The following PLD5 variants were observed in gnomAD, a reference collection of about 807,000 sequenced individuals.
PLD5 encodes phospholipase D family member 5.
Under a neutral mutation model 61.1 loss-of-function variants are expected in PLD5, and 36 were observed. The ratio of observed to expected loss-of-function variants is 0.59; its 90% CI spans 0.45 to 0.78. The LOEUF (loss-of-function observed/expected upper bound fraction) is 0.78, where lower values mean the gene tolerates loss of function less well. Among genes scored for constraint, PLD5 ranks in the 30% least tolerant of loss-of-function variants. The pLI, the probability that PLD5 is intolerant of heterozygous loss-of-function variation, is 0.00. For missense variants in PLD5, 515 were observed against 644.4 expected (o/e 0.80, Z 2.17); for synonymous variants, 243 against 242.8 (o/e 1.00, Z -0.01).
chr1:242,289,854 CAT>C (rs1375528702), intron 2 of PLD5, among the ~76,000 whole-genome samples: 2 of 151,918 alleles, frequency 1.3e-5, no homozygotes, highest in African/African-American at 4.8e-5. Context: ...CTTACTGAGA[CAT>C]GTTGCATTTA....
intron 6 of PLD5, 147 bp downstream of exon 6, chr1:242,124,321 G>A: frequency 1.5e-6 from 1 of 662,728 alleles, no homozygotes; most frequent in South Asian, 2.0e-5. Flanking sequence ...GCGTGTAAGG[G>A]TGGACGCATT....
At chr1:242,154,437 G>T (rs1277748436) in intron 5 of PLD5, among the ~76,000 whole-genome samples, 1 of 152,136 alleles carries the variant, frequency 6.6e-6, no homozygotes, top group Non-Finnish European at 1.5e-5. Context: ...CAAAGGGAAT[G>T]CTTCCAGTTT....
chr1:242,112,147 G>A (rs75414586), intron 7 of PLD5, among the ~76,000 whole-genome samples: 3 of 151,874 alleles, frequency 2.0e-5, no homozygotes, highest in Non-Finnish European at 4.4e-5. Context: ...GTTTTGAAAC[G>A]TTCCCAAAGT....
chr1:242,480,892 T>C (rs1667749664), intron 1 of PLD5, among the ~76,000 whole-genome samples: 1 of 152,216 alleles, frequency 6.6e-6, no homozygotes, highest in African/African-American at 2.4e-5. Flanking sequence ...CTCTTCTCCA[T>C]TAATACTGGG....
chr1:242,494,086 C>T (rs145596700), intron 1 of PLD5, among the ~76,000 whole-genome samples: 1 of 103,076 alleles, frequency 9.7e-6, no homozygotes, highest in African/African-American at 3.7e-5. Context: ...CTCCCCTGCC[C>T]TCCCTTCCCC....
At chr1:242,191,116 A>C (rs940764029) in intron 5 of PLD5, among the ~76,000 whole-genome samples, 4 of 151,248 alleles carry the variant, frequency 2.6e-5, no homozygotes, top group Admixed American at 2.6e-4. Flanking sequence ...AAGCCCAAAT[A>C]AACTATGGAG....
chr1:242,289,957 G>A (rs968497057), intron 2 of PLD5, among the ~76,000 whole-genome samples: 1 of 149,722 alleles, frequency 6.7e-6, no homozygotes, highest in African/African-American at 2.5e-5. Flanking sequence ...CTCTGGGTAT[G>A]TGGCTCAGAT....
intron 1 of PLD5, among the ~76,000 whole-genome samples, chr1:242,475,747 T>C (rs895343339): frequency 6.6e-6 from 1 of 152,096 alleles, no homozygotes; most frequent in Non-Finnish European, 1.5e-5. Flanking sequence ...GATAATTAAG[T>C]TATAATGAGG....
chr1:242,357,944 C>T (rs1246729692), intron 1 of PLD5, among the ~76,000 whole-genome samples: 4 of 151,952 alleles, frequency 2.6e-5, no homozygotes, highest in Admixed American at 2.6e-4. Flanking sequence ...TTTCCTTTTG[C>T]TCCTTTGATT....
chr1:242,468,513 G>A (rs1667342898), intron 1 of PLD5, among the ~76,000 whole-genome samples: 1 of 151,942 alleles, frequency 6.6e-6, no homozygotes, highest in South Asian at 2.1e-4. Context: ...AAATTACTGT[G>A]GACAGTGTTG....
At chr1:242,127,221 C>A (rs1306240583) in intron 5 of PLD5, among the ~76,000 whole-genome samples, 1 of 152,176 alleles carries the variant, frequency 6.6e-6, no homozygotes, top group Non-Finnish European at 1.5e-5. Context: ...TAAACTAGTA[C>A]AACCACTATG....
Position 242,329,288 on chromosome 1 carries a change from G to A in PLD5, c.326+18818C>T, listed in dbSNP as rs111602988. ...GCCTCCCAAAGTGCTGGGATTATAC[G>A]CATGAGCCACTGTGCTCAGCCTTTT... On this transcript the variant is annotated intron_variant, in intron 2 of 9. Coordinates refer to ENST00000536534, the MANE Select transcript of PLD5 (RefSeq NM_001372062.1). Among the ~76,000 whole-genome samples the A allele has an allele frequency of 7.9e-3, 1,200 of 152,224 alleles. 14 individuals are homozygous for A. The highest frequency in any genetic ancestry group is 0.027 in the African/African-American group (1,136 of 41,530).
At chr1:242,182,924 A>G (rs1667616426) in intron 5 of PLD5, among the ~76,000 whole-genome samples, 2 of 152,218 alleles carry the variant, frequency 1.3e-5, no homozygotes, top group African/African-American at 4.8e-5. Flanking sequence ...TGGAGGTTTG[A>G]GTTCATGTTA....
intron 5 of PLD5, among the ~76,000 whole-genome samples, chr1:242,189,445 CAAAAAAAAAAAA>C (rs58476673): frequency 0.056 from 3,996 of 70,834 alleles, 233 homozygotes; most frequent in African/African-American, 0.17. Context: ...GACTCCATCT[CAAAAAAAAAAAA>C]AAAAAAAAAA....
chr1:242,433,167 T>C (rs1344399872), intron 1 of PLD5, among the ~76,000 whole-genome samples: 1 of 152,200 alleles, frequency 6.6e-6, no homozygotes, highest in Non-Finnish European at 1.5e-5. Context: ...GATTCTTTCA[T>C]AAACATAGCT....
At chr1:242,239,143 C>G (rs1671829426) in intron 4 of PLD5, among the ~76,000 whole-genome samples, 1 of 152,134 alleles carries the variant, frequency 6.6e-6, no homozygotes, top group Non-Finnish European at 1.5e-5. Context: ...GGGTTATAAA[C>G]TAGAAAATTG....
chr1:242,527,114 C>CTTCTTT (rs1669464635), upstream of PLD5, among the ~76,000 whole-genome samples: 1 of 71,946 alleles, frequency 1.4e-5, no homozygotes, highest in African/African-American at 5.5e-5. Context: ...CTATCTCCTT[C>CTTCTTT]TTTTTTTTTT....
At position 242,089,417 on chromosome 1, in the gene PLD5, T is replaced by TCATTA; in HGVS notation, c.*436_*437insTAATG. 1 of 403,376 alleles carries TCATTA rather than the reference T, an allele frequency of 2.5e-6. No homozygotes were observed. The highest frequency in any genetic ancestry group is 4.4e-6 in the Non-Finnish European group (1 of 229,036). 25.0% of individuals were successfully genotyped at this position (403,376 alleles called of 1,614,324 possible). On this transcript the variant is annotated 3_prime_UTR_variant, in exon 10 of 10. Transcript: ENST00000536534. Reference sequence around the variant, plus strand: ...AGGTCTTGGAGACGATTTACAAGAATAAACACTTGGTTTTATCAGTCTCTT... The same window carrying TCATTA: ...AGGTCTTGGAGACGATTTACAAGAATCATTAAAACACTTGGTTTTATCAGTCTCTT...
chr1:242,114,806 C>T (rs1462485187), intron 6 of PLD5, among the ~76,000 whole-genome samples: 1 of 152,100 alleles, frequency 6.6e-6, no homozygotes, highest in Non-Finnish European at 1.5e-5. Flanking sequence ...CAAAAAGAAG[C>T]TCAGGGCTGT....
Sources: gnomAD v4.1 joint callset for allele counts (sites outside exome capture counted in the v4.1 genomes callset) on GRCh38, gnomAD v4.1.1 for gene constraint, MANE v1.5 for transcripts, NCBI Gene and HGNC (gene_info 2026-07-23, HGNC 2026-07-21) for gene names.